ANKRD62: variants seen among roughly 807,000 people sequenced by gnomAD.
The protein encoded by ANKRD62 is ankyrin repeat domain 62.
A neutral mutation model predicts 98.8 loss-of-function variants in ANKRD62; 61 were observed. The observed-to-expected ratio is 0.62, with a 90% confidence interval of 0.50 to 0.76. The LOEUF (loss-of-function observed/expected upper bound fraction) is 0.76. Among genes scored for constraint, ANKRD62 ranks in the 30% least tolerant of loss-of-function variants. The pLI is 0.00. For synonymous variants in ANKRD62, 341 were observed against 367.9 expected, an observed-to-expected ratio of 0.93 and a Z score of 0.84; for missense variants, 933 against 1,082.9, an observed-to-expected ratio of 0.86 and a Z score of 1.94.
chr18:12,156,597 CT>C, the ANKRD62 span, among the ~76,000 whole-genome samples: 31 of 152,194 alleles, frequency 2.0e-4, no homozygotes, highest in African/African-American at 7.5e-4. Flanking sequence ...CTAGATATTA[CT>C]TTGAAGCTTG....
the ANKRD62 span, among the ~76,000 whole-genome samples, chr18:12,136,940 G>A: frequency 2.0e-5 from 3 of 152,166 alleles, no homozygotes; most frequent in African/African-American, 4.8e-5. Context: ...AGCTTAAGGA[G>A]ATTTTGGGCT....
At chr18:12,116,315 G>A (rs914035937) in intron 10 of ANKRD62, among the ~76,000 whole-genome samples, 7 of 152,092 alleles carry the variant, frequency 4.6e-5, no homozygotes, top group African/African-American at 1.4e-4. Flanking sequence ...GGACAGTTGC[G>A]GTTACTGTGT....
chr18:12,107,240 C>A (rs1290983585), intron 7 of ANKRD62, 55 bp from the exon 8 acceptor site: 36 of 1,289,618 alleles, frequency 2.8e-5, no homozygotes, highest in Non-Finnish European at 3.4e-5. Context: ...CAAAAAAGTT[C>A]TTTCTATTGG....
chr18:12,167,811 A>G, the ANKRD62 span, among the ~76,000 whole-genome samples: 539 of 152,216 alleles, frequency 3.5e-3, 2 homozygotes, highest in African/African-American at 0.012. Flanking sequence ...CCTGACTTTA[A>G]GGATTGCCAT....
intron 3 of ANKRD62, 67 bp downstream of exon 3, chr18:12,095,677 T>C: frequency 1.5e-6 from 2 of 1,354,902 alleles, no homozygotes; most frequent in Non-Finnish European, 1.9e-6. Flanking sequence ...ACATATGATT[T>C]TTTTTAGTAA....
chr18:12,139,994 T>C, the ANKRD62 span, among the ~76,000 whole-genome samples: 3 of 152,386 alleles, frequency 2.0e-5, no homozygotes, highest in South Asian at 6.2e-4. Context: ...CAATGATATG[T>C]AGATTTGGTC....
the ANKRD62 span, among the ~76,000 whole-genome samples, chr18:12,172,695 T>C: frequency 6.6e-6 from 1 of 152,230 alleles, no homozygotes; most frequent in African/African-American, 2.4e-5. Context: ...AGCTATGCTC[T>C]GTCCCCAGAG....
chr18:12,116,712 A>G (rs1331509283), intron 10 of ANKRD62, among the ~76,000 whole-genome samples: 3 of 152,176 alleles, frequency 2.0e-5, no homozygotes, highest in Non-Finnish European at 2.9e-5. Context: ...TAGATTTTGC[A>G]TTTCCACGTG....
chr18:12,102,380 A>T, intron 6 of ANKRD62: 1 of 592,550 alleles, frequency 1.7e-6, no homozygotes, highest in Non-Finnish European at 3.2e-6. Flanking sequence ...TAATGCTGAG[A>T]TAGGAGCAGG....
At chr18:12,156,984 A>G in the ANKRD62 span, among the ~76,000 whole-genome samples, 3 of 152,166 alleles carry the variant, frequency 2.0e-5, no homozygotes, top group Non-Finnish European at 4.4e-5. Context: ...TTTAAGAGAC[A>G]GCATCTCACT....
intron 1 of ANKRD62, 54 bp from the exon 2 acceptor site, chr18:12,095,117 T>C (rs201619769): frequency 6.7e-4 from 824 of 1,229,422 alleles, no homozygotes; most frequent in Non-Finnish European, 9.0e-4. Context: ...TGCGTCGTTG[T>C]ATGTTTTGGG....
At chr18:12,114,531 T>C (rs1909617357) in intron 8 of ANKRD62, among the ~76,000 whole-genome samples, 1 of 152,228 alleles carries the variant, frequency 6.6e-6, no homozygotes, top group Non-Finnish European at 1.5e-5. Flanking sequence ...TTTCTGTGCC[T>C]AGTTTCTTTC....
intron 8 of ANKRD62, among the ~76,000 whole-genome samples, chr18:12,108,327 A>G (rs1909460509): frequency 6.6e-6 from 1 of 152,210 alleles, no homozygotes; most frequent in Non-Finnish European, 1.5e-5. Context: ...ATCATGACAG[A>G]AGGCAAAGGA....
chr18:12,171,921 C>T, the ANKRD62 span, among the ~76,000 whole-genome samples: 2 of 152,184 alleles, frequency 1.3e-5, no homozygotes, highest in African/African-American at 2.4e-5. Flanking sequence ...TCCACTTGAT[C>T]GAATTGGCCA....
the ANKRD62 span, among the ~76,000 whole-genome samples, chr18:12,153,137 C>T: frequency 6.6e-6 from 1 of 152,120 alleles, no homozygotes; most frequent in Non-Finnish European, 1.5e-5. Flanking sequence ...CAAACTGCTG[C>T]TTAAAGAAAT....
At chr18:12,122,650 T>G in intron 11 of ANKRD62, 134 bp downstream of exon 11, 1 of 727,370 alleles carries the variant, frequency 1.4e-6, no homozygotes, top group Non-Finnish European at 2.1e-6. Context: ...GAATGTGAAA[T>G]TTTTGGATAA....
intron 10 of ANKRD62, among the ~76,000 whole-genome samples, chr18:12,115,843 T>C (rs1187281324): frequency 1.3e-5 from 2 of 152,172 alleles, no homozygotes. Context: ...GTGATAACCT[T>C]ACACCTCTTT....
At chr18:12,111,000 T>A (rs1909525146) in intron 8 of ANKRD62, among the ~76,000 whole-genome samples, 1 of 152,178 alleles carries the variant, frequency 6.6e-6, no homozygotes, top group Non-Finnish European at 1.5e-5. Flanking sequence ...ACGCCTGTAA[T>A]CCCAGCACTT....
Position 12,095,617 on chromosome 18 carries a change from T to TC in ANKRD62, c.507+8dup. 1 of 1,497,218 alleles carries TC rather than the reference T, an allele frequency of 6.7e-7. No homozygotes were observed. The highest frequency in any genetic ancestry group is 8.9e-7 in the Non-Finnish European group (1 of 1,126,460). The allele number at this position is 1,497,218 out of a possible 1,614,324, so 92.7% of individuals were successfully genotyped here. On this transcript the variant is annotated splice_region_variant and intron_variant, in intron 3 of 13. Coordinates refer to ENST00000587848, the MANE Select transcript of ANKRD62 (RefSeq NM_001277333.2). ...TATTGAAGCAAGAAGCCAGGTATGA[T>TC]CAACCAATGTTCTTTTCAAAGTATT...
Sources: allele counts gnomAD v4.1 joint callset (sites outside exome capture counted in the v4.1 genomes callset), GRCh38; gene constraint gnomAD v4.1.1; transcripts MANE v1.5; gene names NCBI Gene and HGNC (gene_info 2026-07-23, HGNC 2026-07-21).